HS6ST2: variants seen among roughly 807,000 people sequenced by gnomAD.
The protein encoded by HS6ST2 is heparan sulfate 6-O-sulfotransferase 2.
HS6ST2 carries 17 observed loss-of-function variants against 33.0 expected under a neutral mutation model. The ratio of observed to expected loss-of-function variants is 0.52; its 90% confidence interval spans 0.35 to 0.77. HS6ST2 has a LOEUF of 0.77. HS6ST2 is among the 30% of genes least tolerant of loss of function. The pLI is 0.01. For missense variants in HS6ST2, 519 were observed against 551.7 expected, an observed-to-expected ratio of 0.94 and a Z score of 0.59; for synonymous variants, 248 against 237.1, an observed-to-expected ratio of 1.05 and a Z score of -0.42.
chrX:132,793,480 T>C (rs1461583231), intron 2 of HS6ST2, among the ~76,000 whole-genome samples: 1 of 110,642 alleles, frequency 9.0e-6, no homozygotes, highest in African/African-American at 3.3e-5. Flanking sequence ...GAGGAGAGAG[T>C]GTTTTCTTCT....
chrX:132,682,330 CGTCA>C, intron 3 of HS6ST2, among the ~76,000 whole-genome samples: 1 of 112,294 alleles, frequency 8.9e-6, no homozygotes, highest in East Asian at 2.8e-4. Context: ...GGCTCAAGAA[CGTCA>C]GTCTATCATC....
chrX:132,656,479 T>C (rs1313784120), intron 4 of HS6ST2, among the ~76,000 whole-genome samples: 1 of 111,350 alleles, frequency 9.0e-6, no homozygotes, highest in Admixed American at 9.6e-5. Flanking sequence ...TCAATAGCTT[T>C]TGGAGTACAA....
intron 2 of HS6ST2, among the ~76,000 whole-genome samples, chrX:132,906,680 T>C (rs761008298): frequency 6.0e-4 from 66 of 109,383 alleles, no homozygotes; most frequent in Non-Finnish European, 1.1e-3. Flanking sequence ...CAAGAAGTGA[T>C]TTTTTTTTCT....
intron 3 of HS6ST2, among the ~76,000 whole-genome samples, chrX:132,672,973 T>C (rs2063896200): frequency 8.9e-6 from 1 of 112,008 alleles, no homozygotes; most frequent in African/African-American, 3.2e-5. Context: ...GGGTGGCATA[T>C]AGAAACTTCT....
chrX:132,637,517 A>G (rs964027496), intron 4 of HS6ST2, among the ~76,000 whole-genome samples: 1 of 107,514 alleles, frequency 9.3e-6, no homozygotes, highest in African/African-American at 3.4e-5. Flanking sequence ...CTTTGAGGCT[A>G]CTGGTTCACG....
intron 2 of HS6ST2, among the ~76,000 whole-genome samples, chrX:132,928,937 G>C (rs2066737496): frequency 1.8e-5 from 2 of 111,728 alleles, no homozygotes; most frequent in African/African-American, 6.5e-5. Flanking sequence ...TATTCATGCT[G>C]AGTCAGTGGC....
intron 2 of HS6ST2, among the ~76,000 whole-genome samples, chrX:132,843,768 A>G (rs1234443722): frequency 8.9e-6 from 1 of 112,037 alleles, no homozygotes; most frequent in Non-Finnish European, 1.9e-5. Flanking sequence ...GGACAAAGAC[A>G]AAACAGACAA....
At position 132,630,965 on chromosome X, in the gene HS6ST2, A is replaced by C. The variant is rs549819953; in HGVS notation, c.1068-1872T>G. On this transcript the variant is annotated intron_variant, in intron 4 of 4. Coordinates refer to ENST00000370833, the MANE Select transcript of HS6ST2 (RefSeq NM_001394073.1). ...ACCCCTCCACCCCACTGCCTCCCCC[A>C]AAAATGTGTGATACTGAATTACAAT... is the stretch of plus-strand genomic sequence containing the variant. Among the ~76,000 whole-genome samples the C allele has an allele frequency of 2.7e-5, 3 of 111,454 alleles. No individual in the cohort carries two copies. The East Asian group carries it at 8.4e-4, about 31-fold the overall frequency.
At chrX:132,838,855 A>G (rs1245903483) in intron 2 of HS6ST2, among the ~76,000 whole-genome samples, 2 of 110,104 alleles carry the variant, frequency 1.8e-5, no homozygotes, top group Non-Finnish European at 3.8e-5. Flanking sequence ...ACAAATGACC[A>G]ACAAGCATAT....
intron 2 of HS6ST2, among the ~76,000 whole-genome samples, chrX:132,878,607 C>T (rs1310519589): frequency 2.7e-5 from 3 of 111,681 alleles, no homozygotes; most frequent in African/African-American, 9.8e-5. Context: ...TTTTAATGCT[C>T]AAAGATGGTG....
intron 4 of HS6ST2, among the ~76,000 whole-genome samples, chrX:132,638,995 T>G (rs2063581634): frequency 8.9e-6 from 1 of 112,243 alleles, no homozygotes; most frequent in African/African-American, 3.2e-5. Flanking sequence ...TTGTGGGGAG[T>G]GCTCAAAGGA....
chrX:132,828,678 T>TTA (rs1176610550), intron 2 of HS6ST2, among the ~76,000 whole-genome samples: 8,317 of 52,794 alleles, frequency 0.16, 911 homozygotes, highest in Middle Eastern at 0.19. Flanking sequence ...ATATCATATT[T>TTA]TATATATATA....
intron 4 of HS6ST2, among the ~76,000 whole-genome samples, chrX:132,638,001 A>C (rs934591431): frequency 1.1e-5 from 1 of 88,696 alleles, no homozygotes; most frequent in Non-Finnish European, 2.1e-5. Context: ...GCCTTTGCAC[A>C]TCTTGTTCTT....
At chrX:132,713,587 C>T (rs1012247562) in intron 2 of HS6ST2, among the ~76,000 whole-genome samples, 5 of 112,024 alleles carry the variant, frequency 4.5e-5, no homozygotes, top group Admixed American at 1.9e-4. Context: ...CCTCCTTGTT[C>T]CATGCCAAGT....
chrX:132,688,233 C>G (rs1282400926), intron 3 of HS6ST2, among the ~76,000 whole-genome samples: 1 of 111,058 alleles, frequency 9.0e-6, no homozygotes, highest in Non-Finnish European at 1.9e-5. Context: ...TCCACAGAGC[C>G]AAAAGTAAGA....
intron 2 of HS6ST2, among the ~76,000 whole-genome samples, chrX:132,906,794 A>C (rs1293778274): frequency 1.8e-5 from 2 of 110,983 alleles, no homozygotes; most frequent in Non-Finnish European, 3.8e-5. Context: ...CAGCCTCCCG[A>C]GTAGCTGGAA....
At chrX:132,944,589 C>T (rs1466929368) in intron 2 of HS6ST2, among the ~76,000 whole-genome samples, 6 of 111,663 alleles carry the variant, frequency 5.4e-5, no homozygotes, top group Admixed American at 9.6e-5. Flanking sequence ...CATCACGCTA[C>T]CTGACTTCAA....
At chrX:132,804,192 C>T (rs2065259862) in intron 2 of HS6ST2, among the ~76,000 whole-genome samples, 1 of 112,184 alleles carries the variant, frequency 8.9e-6, no homozygotes, top group African/African-American at 3.2e-5. Context: ...CTCCCTTAAG[C>T]TTCTTCTCTG....
At chrX:132,872,896 T>C (rs1279649837) in intron 2 of HS6ST2, among the ~76,000 whole-genome samples, 1 of 111,511 alleles carries the variant, frequency 9.0e-6, no homozygotes, top group Non-Finnish European at 1.9e-5. Flanking sequence ...TGATCAAAGC[T>C]CTGCAGAGGC....
Sources: gnomAD v4.1 joint callset for allele counts (sites outside exome capture counted in the v4.1 genomes callset) on GRCh38, gnomAD v4.1.1 for gene constraint, MANE v1.5 for transcripts, NCBI Gene and HGNC (gene_info 2026-07-23, HGNC 2026-07-21) for gene names.